PFKFB3: variants seen among roughly 807,000 people sequenced by gnomAD.
PFKFB3 encodes 6-phosphofructo-2-kinase/fructose-2,6-bisphosphatase 3.
Under a neutral mutation model 68.0 loss-of-function variants are expected in PFKFB3, and 33 were observed. That is an observed-to-expected ratio of 0.49 (90% confidence interval 0.37 to 0.65). PFKFB3 has a LOEUF of 0.65. PFKFB3 is among the 30% of genes least tolerant of loss of function. The pLI, the probability that PFKFB3 is intolerant of heterozygous loss-of-function variation, is 0.00. For synonymous variants in PFKFB3, 315 were observed against 288.2 expected (o/e 1.09, Z -0.94); for missense variants, 586 against 712.2 (o/e 0.82, Z 2.02).
At chr10:6,207,223 G>A (rs527501380) in intron 1 of PFKFB3, among the ~76,000 whole-genome samples, 18 of 152,326 alleles carry the variant, frequency 1.2e-4, no homozygotes, top group African/African-American at 3.9e-4. Context: ...ATCACTCGCG[G>A]TTAGGAGCTG....
Position 6,213,719 on chromosome 10 carries a change from A to G in PFKFB3, c.173A>G (p.Tyr58Cys). Residue 58 changes from tyrosine (Y) to cysteine (C), a missense_variant, in exon 2 of 15, where the codon TAC becomes TGC. Coordinates refer to ENST00000379775, the MANE Select transcript of PFKFB3 (RefSeq NM_004566.4). Reference protein sequence around the residue: ...KTYISKKLTRYLNWIGVPTKV... With the variant: ...KTYISKKLTRCLNWIGVPTKV... Reference sequence around the variant, plus strand: ...TACATCTCCAAGAAGCTGACTCGCTACCTCAACTGGATTGGCGTCCCCACA... The same window carrying G: ...TACATCTCCAAGAAGCTGACTCGCTGCCTCAACTGGATTGGCGTCCCCACA... 1 of 1,613,214 alleles carries G rather than the reference A, an allele frequency of 6.2e-7. No individual in the cohort carries two copies. Among genetic ancestry groups the G allele is most frequent in the Non-Finnish European group, 8.5e-7 (1 of 1,179,672 alleles).
chr10:6,283,402 T>C, the PFKFB3 span, among the ~76,000 whole-genome samples: 1 of 152,208 alleles, frequency 6.6e-6, no homozygotes, highest in Non-Finnish European at 1.5e-5. Flanking sequence ...CCTATGTCCT[T>C]ATGGGAATGG....
chr10:6,208,912 G>A (rs1035646479), intron 1 of PFKFB3, among the ~76,000 whole-genome samples: 8 of 152,158 alleles, frequency 5.3e-5, no homozygotes, highest in Non-Finnish European at 8.8e-5. Context: ...TCCTGTGTAT[G>A]TTTGCCTGCA....
chr10:6,209,914 G>A (rs1844053244), intron 1 of PFKFB3, among the ~76,000 whole-genome samples: 1 of 152,032 alleles, frequency 6.6e-6, no homozygotes, highest in Non-Finnish European at 1.5e-5. Flanking sequence ...ACAGGCGCCT[G>A]CCATCACGCC....
chr10:6,207,245 G>A (rs1043667046), intron 1 of PFKFB3, among the ~76,000 whole-genome samples: 3 of 152,198 alleles, frequency 2.0e-5, no homozygotes, highest in African/African-American at 2.4e-5. Flanking sequence ...AGACCAGCCC[G>A]GCCAACACAG....
chr10:6,210,447 G>C (rs182077379), intron 1 of PFKFB3, among the ~76,000 whole-genome samples: 3 of 105,946 alleles, frequency 2.8e-5, no homozygotes, highest in Non-Finnish European at 4.5e-5. Flanking sequence ...TGCAAGCTCC[G>C]CCTCCCGGGT....
At chr10:6,198,748 A>G (rs112758934), upstream of PFKFB3, among the ~76,000 whole-genome samples, 4,719 of 152,224 alleles carry the variant, frequency 0.031, 213 homozygotes, top group African/African-American at 0.1. Flanking sequence ...CTCCCAAAGT[A>G]CTGGGATTAC....
chr10:6,228,151 C>CA lies in PFKFB3; in HGVS notation c.1515+1786_1515+1787insA. The CA allele has an allele frequency of 3.7e-6, 6 of 1,611,198 alleles. No homozygotes were observed. The highest frequency in any genetic ancestry group is 5.1e-6 in the Non-Finnish European group (6 of 1,178,582). On this transcript the variant is annotated intron_variant, in intron 14 of 14. Coordinates refer to ENST00000379775, the MANE Select transcript of PFKFB3 (RefSeq NM_004566.4). This position sits in a 1 kb window ranked among gnomAD's most constrained non-coding sequence, Gnocchi z 4.5. ...TTCAGGGCTTCGTCCCTGCAGATTG[C>CA]GCCCTGCCTCCTGACTGACTTCTCT...
chr10:6,207,244 C>T (rs1407355132), intron 1 of PFKFB3, among the ~76,000 whole-genome samples: 8 of 151,330 alleles, frequency 5.3e-5, no homozygotes, highest in African/African-American at 1.7e-4. Flanking sequence ...GAGACCAGCC[C>T]GGCCAACACA....
the PFKFB3 span, among the ~76,000 whole-genome samples, chr10:6,291,290 G>T: frequency 6.6e-6 from 1 of 152,172 alleles, no homozygotes; most frequent in Non-Finnish European, 1.5e-5. Flanking sequence ...TTCAGGCTGG[G>T]CGTGGTGGCT....
At chr10:6,257,611 A>G (rs1043155647), downstream of PFKFB3, among the ~76,000 whole-genome samples, 3 of 152,122 alleles carry the variant, frequency 2.0e-5, no homozygotes, top group Non-Finnish European at 4.4e-5. Context: ...AAAAAACATT[A>G]CAGTCCACTA....
intron 1 of PFKFB3, among the ~76,000 whole-genome samples, chr10:6,182,444 C>T (rs573064838): frequency 3.9e-5 from 6 of 152,256 alleles, no homozygotes; most frequent in East Asian, 1.9e-4. Flanking sequence ...CTGGTGCTGC[C>T]GGCAGCCTTT....
chr10:6,218,274 C>G (rs1308041945), intron 6 of PFKFB3, among the ~76,000 whole-genome samples: 2 of 152,036 alleles, frequency 1.3e-5, no homozygotes, highest in Non-Finnish European at 2.9e-5. Flanking sequence ...TTGCCCCAAC[C>G]CACCATGTTC....
chr10:6,190,000 G>A (rs1842981014), intron 1 of PFKFB3, among the ~76,000 whole-genome samples: 1 of 152,062 alleles, frequency 6.6e-6, no homozygotes, highest in African/African-American at 2.4e-5. Context: ...CTGGAGTGCA[G>A]TGGTGTGATC....
chr10:6,203,799 TTAA>T (rs1305630406), intron 1 of PFKFB3, among the ~76,000 whole-genome samples: 3 of 152,246 alleles, frequency 2.0e-5, no homozygotes, highest in Non-Finnish European at 4.4e-5. Context: ...CTCGCTTCAC[TTAA>T]TAACCTATTT....
At position 6,245,491 on chromosome 10, in the gene PFKFB3, A is replaced by G. The variant is rs569474815; in HGVS notation, c.1516-8687A>G. 3.9e-5 allele frequency among the ~76,000 whole-genome samples: 6 copies of G among 151,984 alleles called. No homozygotes were observed. In the East Asian group the frequency reaches 1.2e-3, roughly 29 times the overall value. The stretch of plus-strand genomic sequence containing the variant: ...GAGTGCAGTGGTGCGATCAGGGCTC[A>G]CTGCAGTCTCAACTTCCTAGGTTCA... On this transcript the variant is annotated intron_variant, in intron 14 of 14. Transcript: ENST00000640683.
At position 6,213,720 on chromosome 10, in the gene PFKFB3, C is replaced by G; in HGVS notation, c.174C>G (p.Tyr58Ter). 6.2e-7 allele frequency: 1 copy of G among 1,613,464 alleles called. No individual in the cohort carries two copies. The highest frequency in any genetic ancestry group is 8.5e-7 in the Non-Finnish European group (1 of 1,179,750). ...KTYISKKLTR[Y>*]LNWIGVPTKV... ...ACATCTCCAAGAAGCTGACTCGCTA[C>G]CTCAACTGGATTGGCGTCCCCACAA... is the stretch of plus-strand genomic sequence containing the variant. Residue 58 changes from tyrosine (Y) to a stop codon, truncating the protein, a stop_gained, in exon 2 of 15, where the codon TAC becomes TAG. Coordinates refer to ENST00000379775, the MANE Select transcript of PFKFB3 (RefSeq NM_004566.4). LOFTEE classifies it high-confidence loss of function.
the PFKFB3 span, among the ~76,000 whole-genome samples, chr10:6,288,755 T>A: frequency 2.0e-5 from 3 of 152,150 alleles, no homozygotes; most frequent in Admixed American, 6.5e-5. Context: ...TATTTCTAGT[T>A]CTAGATCCTT....
chr10:6,322,528 T>C, the PFKFB3 span, among the ~76,000 whole-genome samples: 2 of 152,188 alleles, frequency 1.3e-5, no homozygotes, highest in African/African-American at 4.8e-5. Context: ...TGCTTAAAAC[T>C]TGTCAATGGC....
Sources: gnomAD v4.1 joint callset for allele counts (sites outside exome capture counted in the v4.1 genomes callset) on GRCh38, gnomAD v4.1.1 for gene constraint, Gnocchi (gnomAD v3.1) non-coding constraint, MANE v1.5 for transcripts, NCBI Gene and HGNC (gene_info 2026-07-23, HGNC 2026-07-21) for gene names.